Variants in CUX2 observed in about 807,000 individuals in gnomAD.
CUX2 encodes homeobox protein cut-like 2.
CUX2 carries 40 observed loss-of-function variants against 144.8 expected under a neutral mutation model. The ratio of observed to expected loss-of-function variants is 0.28; its 90% CI spans 0.21 to 0.36. The LOEUF is 0.36. Among genes scored for constraint, CUX2 ranks in the 10% least tolerant of loss-of-function variants. The probability of loss-of-function intolerance (pLI) is 1.00; values close to 1 mark genes in which losing one functional copy is unlikely to be tolerated. For synonymous variants in CUX2, 827 were observed against 875.6 expected, an observed-to-expected ratio of 0.94 and a Z score of 0.98; for missense variants, 1,615 against 1,994.0, an observed-to-expected ratio of 0.81 and a Z score of 3.62.
At chr12:111,188,317 G>T (rs1039718630) in intron 1 of CUX2, among the ~76,000 whole-genome samples, 1 of 152,232 alleles carries the variant, frequency 6.6e-6, no homozygotes, top group East Asian at 1.9e-4. Flanking sequence ...AGCAGGTGCT[G>T]TGTGCCAGGT....
At chr12:111,134,614 C>CTGTGTGTGTGTGTGTGTGTG (rs1159711656) in intron 1 of CUX2, among the ~76,000 whole-genome samples, 60 of 144,248 alleles carry the variant, frequency 4.2e-4, no homozygotes, top group African/African-American at 1.6e-3. Flanking sequence ...CTCTCTCTCT[C>CTGTGTGTGTGTGTGTGTGTG]TCTCTCTGTG....
rs1210594156 is a variant in CUX2, at chr12:111,035,663, A to G, written c.63+1423A>G. ...GGCAAATCTCGTTAAGTTTCTTCTG[A>G]TAAGTGGTTCCAGCACCCGCGCCTT... On this transcript the variant is annotated intron_variant, in intron 1 of 21. Transcript: ENST00000261726. The surrounding 1 kb of genome is among the most constrained non-coding windows in gnomAD (Gnocchi z 6.0). Among the ~76,000 whole-genome samples the G allele has an allele frequency of 7.1e-6, 1 of 141,184 alleles. No individual in the cohort carries two copies. The highest frequency in any genetic ancestry group is 1.5e-5 in the Non-Finnish European group (1 of 66,354). The allele number at this position is 141,184 out of a possible 152,430, so 92.6% of individuals were successfully genotyped here. A position where few individuals can be genotyped will look rare whatever the true frequency, so the allele number is the denominator to read the frequency against.
At chr12:111,127,809 G>A (rs964981984) in intron 1 of CUX2, among the ~76,000 whole-genome samples, 6 of 152,220 alleles carry the variant, frequency 3.9e-5, no homozygotes, top group East Asian at 3.8e-4. Context: ...GGCAGAAGGC[G>A]AAGGGGGAGC....
chr12:111,079,482 G>A (rs879181627), intron 1 of CUX2, among the ~76,000 whole-genome samples: 2 of 152,076 alleles, frequency 1.3e-5, no homozygotes, highest in Admixed American at 6.6e-5. Flanking sequence ...GGTCGCTCAA[G>A]CCCCTTCCCA....
chr12:111,340,816 T>C (rs1888543317), intron 20 of CUX2, among the ~76,000 whole-genome samples: 1 of 152,194 alleles, frequency 6.6e-6, no homozygotes, highest in Non-Finnish European at 1.5e-5. Context: ...CTTTCTCAAC[T>C]TTTTCCACAA....
chr12:111,319,897 G>A, intron 16 of CUX2, 115 bp from the exon 17 acceptor site: 1 of 1,362,686 alleles, frequency 7.3e-7, no homozygotes, highest in Non-Finnish European at 9.5e-7. Context: ...CCAGTTGCTG[G>A]ACACAGAGGT....
chr12:111,151,910 G>A (rs1254856003), intron 1 of CUX2, among the ~76,000 whole-genome samples: 3 of 152,152 alleles, frequency 2.0e-5, no homozygotes, highest in African/African-American at 2.4e-5. Context: ...AACCAAGGCC[G>A]TCAGTGACCC....
At chr12:111,282,075 G>A (rs897022553) in intron 4 of CUX2, among the ~76,000 whole-genome samples, 10 of 151,414 alleles carry the variant, frequency 6.6e-5, no homozygotes, top group Non-Finnish European at 1.3e-4. Flanking sequence ...TAATCCCAGC[G>A]CTTTGGGAGG....
intron 1 of CUX2, among the ~76,000 whole-genome samples, chr12:111,157,725 A>G (rs980447634): frequency 6.6e-6 from 1 of 152,236 alleles, no homozygotes; most frequent in Admixed American, 6.5e-5. Flanking sequence ...GAGCATGCAC[A>G]TGCTACATAT....
chr12:111,106,697 G>A (rs916031120), intron 1 of CUX2, among the ~76,000 whole-genome samples: 14 of 152,218 alleles, frequency 9.2e-5, no homozygotes, highest in South Asian at 4.1e-4. Context: ...GAAGACTTCC[G>A]CGAGAAGGGC....
intron 6 of CUX2, among the ~76,000 whole-genome samples, chr12:111,294,535 A>G (rs1885863936): frequency 6.8e-6 from 1 of 147,746 alleles, no homozygotes; most frequent in Non-Finnish European, 1.5e-5. Flanking sequence ...GTGAGCTATG[A>G]TTGCGCCACT....
intron 1 of CUX2, among the ~76,000 whole-genome samples, chr12:111,207,649 A>T (rs940097096): frequency 2.6e-5 from 4 of 152,188 alleles, no homozygotes. Context: ...TCCTTACAAG[A>T]GATACTGTAC....
chr12:111,281,394 G>A (rs942830378), intron 4 of CUX2, among the ~76,000 whole-genome samples: 1 of 152,076 alleles, frequency 6.6e-6, no homozygotes, highest in Non-Finnish European at 1.5e-5. Flanking sequence ...ATGTCACTGA[G>A]GTCTTTCCCA....
chr12:111,158,263 C>T (rs1048169454), intron 1 of CUX2, among the ~76,000 whole-genome samples: 1 of 152,042 alleles, frequency 6.6e-6, no homozygotes, highest in Non-Finnish European at 1.5e-5. Context: ...AAATGACCTA[C>T]TGGAAGCACC....
intron 4 of CUX2, among the ~76,000 whole-genome samples, chr12:111,273,890 A>G (rs1287113657): frequency 1.3e-5 from 2 of 152,192 alleles, no homozygotes; most frequent in South Asian, 2.1e-4. Context: ...AACACTAAAC[A>G]TGGTGCCCAG....
intron 1 of CUX2, among the ~76,000 whole-genome samples, chr12:111,209,842 C>T (rs1468946556): frequency 1.3e-5 from 2 of 152,232 alleles, no homozygotes; most frequent in African/African-American, 4.8e-5. Context: ...CGAGCCTCAG[C>T]TGCATCTATC....
intron 1 of CUX2, among the ~76,000 whole-genome samples, chr12:111,156,353 G>C (rs1877371325): frequency 6.6e-6 from 1 of 152,110 alleles, no homozygotes; most frequent in African/African-American, 2.4e-5. Flanking sequence ...CAGGCTCAGA[G>C]ACTATCCCCA....
At chr12:111,213,451 T>C (rs1881343686) in intron 1 of CUX2, among the ~76,000 whole-genome samples, 5 of 152,154 alleles carry the variant, frequency 3.3e-5, no homozygotes, top group Admixed American at 3.3e-4. Flanking sequence ...CTCTCTCTTT[T>C]TCCCTCGCTG....
chr12:111,301,613 G>A (rs1886298984), intron 9 of CUX2, among the ~76,000 whole-genome samples: 2 of 152,024 alleles, frequency 1.3e-5, no homozygotes, highest in Non-Finnish European at 2.9e-5. Flanking sequence ...AAACTCCTGG[G>A]CTCAAGGGAT....
Sources: gnomAD v4.1 joint callset for allele counts (sites outside exome capture counted in the v4.1 genomes callset) on GRCh38, gnomAD v4.1.1 for gene constraint, Gnocchi (gnomAD v3.1) non-coding constraint, MANE v1.5 for transcripts, NCBI Gene and HGNC (gene_info 2026-07-23, HGNC 2026-07-21) for gene names.